TCN1: variants seen among roughly 807,000 people sequenced by gnomAD.
TCN1 encodes transcobalamin 1, also known as transcobalamin-1.
A neutral mutation model predicts 46.3 loss-of-function variants in TCN1; 47 were observed. The ratio of observed to expected loss-of-function variants is 1.01; its 90% CI spans 0.80 to 1.29. The LOEUF (loss-of-function observed/expected upper bound fraction) is 1.29. TCN1 is among the 50% of genes most tolerant of loss of function. The pLI, the probability that TCN1 is intolerant of heterozygous loss-of-function variation, is 0.00. For synonymous variants in TCN1, 183 were observed against 192.5 expected (o/e 0.95, Z 0.41); for missense variants, 532 against 511.0 (o/e 1.04, Z -0.40).
intron 1 of TCN1, among the ~76,000 whole-genome samples, chr11:59,864,698 A>C (rs1853053767): frequency 6.6e-6 from 1 of 152,188 alleles, no homozygotes; most frequent in East Asian, 1.9e-4. Context: ...CCCCAATTCC[A>C]GAGATGGAGG....
At chr11:59,855,133 T>A (rs1018808874) in intron 6 of TCN1, among the ~76,000 whole-genome samples, 3 of 152,212 alleles carry the variant, frequency 2.0e-5, no homozygotes, top group African/African-American at 7.2e-5. Context: ...TTTTCTTTTT[T>A]TGCCTTGGTA....
chr11:59,854,623 T>A (rs2135104639), intron 7 of TCN1, 29 bp downstream of exon 7: 1 of 1,608,176 alleles, frequency 6.2e-7, no homozygotes, highest in East Asian at 2.2e-5. Flanking sequence ...ACAGCAAACA[T>A]CTTAACCTTA....
chr11:59,860,417 CT>C (rs1374838691), intron 4 of TCN1, among the ~76,000 whole-genome samples: 1 of 151,708 alleles, frequency 6.6e-6, no homozygotes, highest in Non-Finnish European at 1.5e-5. Context: ...GTGTGAGCCA[CT>C]GCACCCTGCC....
chr11:59,855,948 A>C lies in TCN1; in HGVS notation c.858T>G (p.Ala286=). 4.3e-6 allele frequency: 7 copies of C among 1,613,804 alleles called. No individual in the cohort carries two copies. Among genetic ancestry groups the C allele is most frequent in the Non-Finnish European group, 5.9e-6 (7 of 1,179,828 alleles). Reference sequence around the variant, plus strand: ...TCAGGGCAGGTAAGACCTGGGCTGCAGCGTTTGGATTGCTGAATGCTCCTT... The same window carrying C: ...TCAGGGCAGGTAAGACCTGGGCTGCCGCGTTTGGATTGCTGAATGCTCCTT... ...ISQGAFSNPN[A]AAQVLPALMG... The change falls in exon 6 of 9, where the codon GCT becomes GCG. Residue 286 remains alanine, a synonymous_variant. Transcript: ENST00000257264.
At chr11:59,859,312 G>C (rs1408905627) in intron 4 of TCN1, 45 bp from the exon 5 acceptor site, 2 of 1,603,682 alleles carry the variant, frequency 1.2e-6, no homozygotes, top group Admixed American at 1.7e-5. Flanking sequence ...AACCACCTCA[G>C]TTTGTCCTGG....
At chr11:59,858,828 G>C (rs1253748171) in intron 5 of TCN1, among the ~76,000 whole-genome samples, 1 of 152,028 alleles carries the variant, frequency 6.6e-6, no homozygotes, top group Admixed American at 6.6e-5. Flanking sequence ...AAATTAGCCG[G>C]GCGTGGTGGT....
In TCN1 at chr11:59,861,613, A is replaced by T. The variant is rs764183961; in HGVS notation, c.470T>A (p.Phe157Tyr). Residue 157 changes from phenylalanine to tyrosine, a missense_variant, in exon 4 of 9, where the codon TTC becomes TAC. Physicochemically the swap from Phe to Tyr is conservative, Grantham distance 22. Coordinates refer to ENST00000257264, the MANE Select transcript of TCN1 (RefSeq NM_001062.4). Reference protein sequence around the residue: ...LSLDVLALCLFNGNYSTAEVV... With the variant: ...LSLDVLALCLYNGNYSTAEVV... ...TTCGGCGGTTGAGTAGTTCCCATTG[A>T]ACAGACACAAGGCCAAAACGTCCAG... 1 of 1,614,060 alleles carries T rather than the reference A, an allele frequency of 6.2e-7. No individual in the cohort carries two copies. The highest frequency in any genetic ancestry group is 1.7e-5 in the Admixed American group (1 of 60,004).
chr11:59,857,671 T>G (rs541530607), intron 5 of TCN1, among the ~76,000 whole-genome samples: 2 of 152,216 alleles, frequency 1.3e-5, no homozygotes, highest in South Asian at 4.1e-4. Flanking sequence ...TTTTTTTCTG[T>G]AAACCTTCCT....
intron 6 of TCN1, 25 bp from the exon 7 acceptor site, chr11:59,854,860 G>A (rs755759948): frequency 4.3e-6 from 7 of 1,613,340 alleles, no homozygotes; most frequent in Non-Finnish European, 5.1e-6. Flanking sequence ...AAAGCCCAGA[G>A]CAATATTCAG....
chr11:59,853,062 G>T, intron 8 of TCN1, 26 bp from the exon 9 acceptor site: 4 of 1,613,276 alleles, frequency 2.5e-6, no homozygotes, highest in Non-Finnish European at 3.4e-6. Flanking sequence ...AAAGAGAACT[G>T]GGTCAAATGA....
Position 59,853,022 on chromosome 11 carries a change from C to T in TCN1, c.1255G>A (p.Val419Ile), listed in dbSNP as rs200529948. Residue 419 changes from valine to isoleucine, a missense_variant, in exon 9 of 9, where the codon GTT becomes ATT. Coordinates refer to ENST00000257264, the MANE Select transcript of TCN1 (RefSeq NM_001062.4). The stretch of plus-strand genomic sequence containing the variant: ...TCCAAGTTTTCTCCATTGCGGACAA[C>T]GTAACTACCAGCTCCTGAAAAGGAA... The part of the protein sequence containing the change: ...EPLSQGAGSY[V>I]VRNGENLEVR... 3.4e-5 allele frequency: 55 copies of T among 1,614,026 alleles called. No individual in the cohort carries two copies. Among genetic ancestry groups the T allele is most frequent in the African/African-American group, 9.3e-5 (7 of 74,924 alleles).
At chr11:59,856,654 C>A (rs1383856972) in intron 5 of TCN1, among the ~76,000 whole-genome samples, 2 of 152,122 alleles carry the variant, frequency 1.3e-5, no homozygotes, top group Admixed American at 1.3e-4. Flanking sequence ...AGCAAAGTTC[C>A]TCAGGGGATT....
At chr11:59,858,004 A>G (rs1381813131) in intron 5 of TCN1, among the ~76,000 whole-genome samples, 2 of 152,228 alleles carry the variant, frequency 1.3e-5, no homozygotes, top group African/African-American at 4.8e-5. Flanking sequence ...AGCCTTAAAT[A>G]TACTATGTTT....
chr11:59,866,065 T>C (rs1853070822), intron 1 of TCN1, among the ~76,000 whole-genome samples: 1 of 152,208 alleles, frequency 6.6e-6, no homozygotes, highest in African/African-American at 2.4e-5. Flanking sequence ...TTCCATGATC[T>C]AGAAAAGTTT....
At chr11:59,865,691 T>C (rs1853065477) in intron 1 of TCN1, among the ~76,000 whole-genome samples, 1 of 152,196 alleles carries the variant, frequency 6.6e-6, no homozygotes, top group Non-Finnish European at 1.5e-5. Flanking sequence ...CTCATTATCC[T>C]TTATTTATGA....
chr11:59,864,295 T>C (rs1478039439), intron 1 of TCN1, among the ~76,000 whole-genome samples: 1 of 152,088 alleles, frequency 6.6e-6, no homozygotes, highest in Non-Finnish European at 1.5e-5. Context: ...AACATGAAAA[T>C]GTTTTAATAT....
chr11:59,852,872 T>G lies in TCN1; in HGVS notation c.*103A>C. 1 of 1,063,738 alleles carries G rather than the reference T, an allele frequency of 9.4e-7. No homozygotes were observed. The highest frequency in any genetic ancestry group is 1.5e-6 in the Non-Finnish European group (1 of 679,266). The allele number at this position is 1,063,738 out of a possible 1,614,324, so 65.9% of individuals were successfully genotyped here. A position where few individuals can be genotyped will look rare whatever the true frequency, so the allele number is the denominator to read the frequency against. On this transcript the variant is annotated 3_prime_UTR_variant, in exon 9 of 9. Transcript: ENST00000257264. ...AGAGAGAGAAGGGGAGGTTATTAAC[T>G]CTCCTGCTCGTACTGGGATAAATGA...
At position 59,856,801 on chromosome 11, in the gene TCN1, C is replaced by T. The variant is rs114817661; in HGVS notation, c.748-743G>A. 6.9e-3 allele frequency among the ~76,000 whole-genome samples: 1,044 copies of T among 152,216 alleles called. 17 individuals are homozygous for T. Among genetic ancestry groups the T allele is most frequent in the African/African-American group, 0.021 (889 of 41,522 alleles). On this transcript the variant is annotated intron_variant, in intron 5 of 8. Transcript: ENST00000257264. ...ATGTCTGACCTCATTTGATTGACAA[C>T]GATGAGGAGGTGTCTGACATTATTT...
At position 59,853,214 on chromosome 11, in the gene TCN1, G is replaced by A. The variant is rs751107761; in HGVS notation, c.1229C>T (p.Pro410Leu). ...TYWELLSGGEPLSQGAGSYVV... is the reference protein window; with the variant it reads ...TYWELLSGGELLSQGAGSYVV... Reference sequence around the variant, plus strand: ...TGTCTCTCCCTTACCTTGGCTCAGTGGTTCGCCTCCACTCAGAAGTTCCCA... The same window carrying A: ...TGTCTCTCCCTTACCTTGGCTCAGTAGTTCGCCTCCACTCAGAAGTTCCCA... Residue 410 changes from proline (P) to leucine (L), a missense_variant, in exon 8 of 9, where the codon CCA becomes CTA. Coordinates refer to ENST00000257264, the MANE Select transcript of TCN1 (RefSeq NM_001062.4). 228 of 1,613,930 alleles carry A rather than the reference G, an allele frequency of 1.4e-4. No individual in the cohort carries two copies. Among genetic ancestry groups the A allele is most frequent in the Non-Finnish European group, 1.8e-4 (208 of 1,180,006 alleles).
Sources: allele counts gnomAD v4.1 joint callset (sites outside exome capture counted in the v4.1 genomes callset), GRCh38; gene constraint gnomAD v4.1.1; transcripts MANE v1.5; gene names NCBI Gene and HGNC (gene_info 2026-07-23, HGNC 2026-07-21).